The following RTL4 variants were observed in gnomAD, a reference collection of about 807,000 sequenced individuals.
The protein encoded by RTL4 is retrotransposon Gag like 4.
A neutral mutation model predicts 5.3 loss-of-function variants in RTL4; 4 were observed. The ratio of observed to expected loss-of-function variants is 0.75; its 90% confidence interval spans 0.37 to 1.72. The LOEUF (loss-of-function observed/expected upper bound fraction) is 1.72. Ranked by LOEUF, RTL4 falls within the 40% of genes most tolerant of loss-of-function variation. The pLI, the probability that RTL4 is intolerant of heterozygous loss-of-function variation, is 0.04. For synonymous variants in RTL4, 98 were observed against 87.3 expected, an observed-to-expected ratio of 1.12 and a Z score of -0.68; for missense variants, 260 against 227.1, an observed-to-expected ratio of 1.14 and a Z score of -0.93.
chrX:112,146,756 C>A, the RTL4 span, among the ~76,000 whole-genome samples: 1 of 109,446 alleles, frequency 9.1e-6, no homozygotes, highest in Non-Finnish European at 1.9e-5. Flanking sequence ...TGCTGAAAGA[C>A]CTGCGCTGAG....
chrX:112,244,999 C>A, the RTL4 span, among the ~76,000 whole-genome samples: 1 of 112,168 alleles, frequency 8.9e-6, no homozygotes, highest in African/African-American at 3.2e-5. Context: ...AAATTCTTTT[C>A]TTTAAGAATG....
chrX:112,338,771 C>T, the RTL4 span, among the ~76,000 whole-genome samples: 1 of 111,384 alleles, frequency 9.0e-6, no homozygotes, highest in Non-Finnish European at 1.9e-5. Flanking sequence ...AATTGTCAAG[C>T]CTCTTTAGTT....
At chrX:112,108,487 G>A in the RTL4 span, among the ~76,000 whole-genome samples, 1 of 111,767 alleles carries the variant, frequency 8.9e-6, no homozygotes, top group Non-Finnish European at 1.9e-5. Context: ...GAGATTCTCA[G>A]CAGGCTATCT....
At chrX:112,427,362 G>T in the RTL4 span, among the ~76,000 whole-genome samples, 10 of 111,032 alleles carry the variant, frequency 9.0e-5, no homozygotes, top group African/African-American at 1.6e-4. Flanking sequence ...ATCAAGAGAT[G>T]CAGAAAAGCA....
chrX:112,194,789 G>T, the RTL4 span, among the ~76,000 whole-genome samples: 8 of 111,701 alleles, frequency 7.2e-5, no homozygotes, highest in African/African-American at 2.6e-4. Flanking sequence ...ATATAATGTT[G>T]TGAACACCTG....
At chrX:112,413,247 C>A in the RTL4 span, among the ~76,000 whole-genome samples, 1 of 111,440 alleles carries the variant, frequency 9.0e-6, no homozygotes, top group Non-Finnish European at 1.9e-5. Flanking sequence ...AACCCATGCA[C>A]CTGTTGGTGG....
At chrX:112,455,858 T>C in exon 1 of RTL4, 1 of 420,626 alleles carries the variant, frequency 2.4e-6, no homozygotes. Context: ...AACCCGAGAA[T>C]GATGAAAACA....
chrX:112,297,728 C>A, the RTL4 span, among the ~76,000 whole-genome samples: 2 of 111,553 alleles, frequency 1.8e-5, no homozygotes, highest in African/African-American at 6.5e-5. Flanking sequence ...GTCTGTCCCC[C>A]CAACAAACAG....
At chrX:112,164,682 T>C in the RTL4 span, among the ~76,000 whole-genome samples, 1 of 111,935 alleles carries the variant, frequency 8.9e-6, no homozygotes, top group Admixed American at 9.5e-5. Flanking sequence ...CTGTCTATAA[T>C]GTGCTTCCAG....
chrX:112,403,105 T>G, the RTL4 span, among the ~76,000 whole-genome samples: 1 of 111,678 alleles, frequency 9.0e-6, no homozygotes, highest in Admixed American at 9.5e-5. Flanking sequence ...AGCTTCTTGG[T>G]TTTATGTACA....
the RTL4 span, among the ~76,000 whole-genome samples, chrX:112,304,780 C>T: frequency 1.9e-5 from 2 of 106,510 alleles, no homozygotes; most frequent in African/African-American, 6.9e-5. Context: ...ATTTAATAAA[C>T]CTCCTGACCC....
At chrX:112,367,110 CT>C in the RTL4 span, among the ~76,000 whole-genome samples, 6 of 111,684 alleles carry the variant, frequency 5.4e-5, no homozygotes, top group African/African-American at 2.0e-4. Flanking sequence ...AAAAACCCAC[CT>C]CTCCATCTTC....
the RTL4 span, among the ~76,000 whole-genome samples, chrX:112,120,941 G>C: frequency 9.0e-6 from 1 of 111,250 alleles, no homozygotes; most frequent in Non-Finnish European, 1.9e-5. Context: ...GCCACTAGTT[G>C]AGAGATATGA....
At chrX:112,350,988 T>A in the RTL4 span, among the ~76,000 whole-genome samples, 3 of 111,692 alleles carry the variant, frequency 2.7e-5, no homozygotes, top group South Asian at 3.7e-4. Flanking sequence ...TTTCCTCCTT[T>A]CTCCTGTGGG....
chrX:112,115,012 T>C, the RTL4 span, among the ~76,000 whole-genome samples: 2 of 111,190 alleles, frequency 1.8e-5, no homozygotes, highest in East Asian at 5.7e-4. Context: ...TTTCAGGGTT[T>C]TTGGGTCAAA....
chrX:112,433,247 A>AT, the RTL4 span, among the ~76,000 whole-genome samples: 1 of 108,612 alleles, frequency 9.2e-6, no homozygotes, highest in African/African-American at 3.4e-5. Context: ...ACTTTAAAGT[A>AT]TTTTTTTCCA....
chrX:112,318,234 T>A, the RTL4 span, among the ~76,000 whole-genome samples: 1 of 111,808 alleles, frequency 8.9e-6, no homozygotes, highest in Non-Finnish European at 1.9e-5. Context: ...CTCTTTTGCC[T>A]ATCTGGAACA....
the RTL4 span, among the ~76,000 whole-genome samples, chrX:112,275,188 T>C: frequency 4.8e-5 from 1 of 20,876 alleles, no homozygotes; most frequent in Non-Finnish European, 2.2e-4. Flanking sequence ...CTTTCTTGCT[T>C]TTTTTTTTTT....
chrX:112,273,541 C>G, the RTL4 span, among the ~76,000 whole-genome samples: 9 of 111,642 alleles, frequency 8.1e-5, no homozygotes, highest in African/African-American at 2.0e-4. Context: ...CGTGAGCTAC[C>G]GCGCCCAACC....
Sources: gnomAD v4.1 joint callset for allele counts (sites outside exome capture counted in the v4.1 genomes callset) on GRCh38, gnomAD v4.1.1 for gene constraint, MANE v1.5 for transcripts, NCBI Gene and HGNC (gene_info 2026-07-23, HGNC 2026-07-21) for gene names.